The following UHRF1 variants were observed in gnomAD, a reference collection of about 807,000 sequenced individuals.
The protein encoded by UHRF1 is ubiquitin like with PHD and ring finger domains 1.
In UHRF1, 9 loss-of-function variants were observed where a neutral mutation model predicts 96.5. That is an observed-to-expected ratio of 0.09 (90% confidence interval 0.06 to 0.16). UHRF1 has a LOEUF of 0.16. Among genes scored for constraint, UHRF1 ranks in the 10% least tolerant of loss-of-function variants. The pLI is 1.00. For synonymous variants in UHRF1, 455 were observed against 469.9 expected (o/e 0.97, Z 0.41); for missense variants, 626 against 1,131.1 (o/e 0.55, Z 6.40).
At chr19:4,945,111 G>GT (rs747930137) in intron 9 of UHRF1, among the ~76,000 whole-genome samples, 8 of 152,204 alleles carry the variant, frequency 5.3e-5, no homozygotes, top group Non-Finnish European at 1.0e-4. Flanking sequence ...GGGCAGCGCT[G>GT]TATCCCTAGT....
chr19:4,960,808 C>G lies in UHRF1; in HGVS notation c.*5C>G. The G allele has an allele frequency of 2.7e-6, 4 of 1,504,630 alleles. No homozygotes were observed. The highest frequency in any genetic ancestry group is 3.6e-6 in the Non-Finnish European group (4 of 1,099,954). 93.2% of individuals were successfully genotyped at this position (1,504,630 alleles called of 1,614,324 possible). A position where few individuals can be genotyped will look rare whatever the true frequency, so the allele number is the denominator to read the frequency against. On this transcript the variant is annotated 3_prime_UTR_variant, in exon 17 of 17. Coordinates refer to ENST00000650932, the MANE Select transcript of UHRF1 (RefSeq NM_001048201.3). ...GGCTACGGCAATGGCCGGTGATCTC[C>G]AAGCACTTCTCGACAGGCGTTTTGC...
intron 5 of UHRF1, among the ~76,000 whole-genome samples, chr19:4,938,658 C>T (rs967317511): frequency 1.3e-5 from 2 of 148,924 alleles, no homozygotes; most frequent in Non-Finnish European, 3.0e-5. Flanking sequence ...ATCCACTCGT[C>T]TCGGCCTCTC....
In UHRF1 at chr19:4,930,836, G is replaced by C. The variant is rs200130757; in HGVS notation, c.529G>C (p.Ala177Pro). The change falls in exon 4 of 17, where the codon GCG becomes CCG. Residue 177 changes from alanine (A) to proline (P), a missense_variant. By Grantham distance (27) the Ala-to-Pro change is conservative. This residue lies in a region of UHRF1 where 198 missense variants were observed against 235.1 expected (regional missense o/e 0.84). Transcript: ENST00000650932. The surrounding 1 kb of genome is among the most constrained non-coding windows in gnomAD (Gnocchi z 4.4). ...DEPCSSTSRP[A>P]LEEDVIYHVK... ...GCCCTGCAGCTCCACGTCCAGGCCGGCGCTGGAGGAGGACGTCATTTACCA... is the reference window on the plus strand; with the variant it reads ...GCCCTGCAGCTCCACGTCCAGGCCGCCGCTGGAGGAGGACGTCATTTACCA... 1 of 1,614,008 alleles carries C rather than the reference G, an allele frequency of 6.2e-7. No homozygotes were observed. Among genetic ancestry groups the C allele is most frequent in the Admixed American group, 1.7e-5 (1 of 60,028 alleles).
At chr19:4,960,572 CTG>C (rs17881422) in intron 16 of UHRF1, 83 bp from the exon 17 acceptor site, 566,991 of 1,551,024 alleles carry the variant, frequency 0.37, 106,909 homozygotes, top group Middle Eastern at 0.41. Context: ...CCTGGTGAGA[CTG>C]TCCCCACAGT....
Position 4,954,422 on chromosome 19 carries a change from G to C in UHRF1, c.1891G>C (p.Glu631Gln), listed in dbSNP as rs763995143. ...GGAGAACAGCAAGAGGGAGGAGGAG[G>C]AGCAGCAGGAGGGGGGCTTCGCGTC... ...EKENSKREEE[E>Q]QQEGGFASPR... Residue 631 changes from glutamate (E) to glutamine (Q), a missense_variant, in exon 14 of 17, where the codon GAG (glutamate) becomes CAG (glutamine). This residue lies in a region of UHRF1 where 90 missense variants were observed against 94.7 expected (regional missense o/e 0.95). Transcript: ENST00000650932. The surrounding 1 kb of genome is among the most constrained non-coding windows in gnomAD (Gnocchi z 5.9). 1 of 1,613,808 alleles carries C rather than the reference G, an allele frequency of 6.2e-7. No individual in the cohort carries two copies. Among genetic ancestry groups the C allele is most frequent in the East Asian group, 2.2e-5 (1 of 44,864 alleles).
rs776141211 is a variant in UHRF1, at chr19:4,954,856, T to C, written c.2130+34T>C. On this transcript the variant is annotated intron_variant, in intron 15 of 16. Transcript: ENST00000650932. This position sits in a 1 kb window ranked among gnomAD's most constrained non-coding sequence, Gnocchi z 5.9. ...GCACGGCTCACTCGTCGCCCTGATT[T>C]GCGTTGACTGCGGTAAAATGTGTGG... 6 of 1,607,494 alleles carry C rather than the reference T, an allele frequency of 3.7e-6. No individual in the cohort carries two copies. Among genetic ancestry groups the C allele is most frequent in the South Asian group, 2.2e-5 (2 of 90,570 alleles).
chr19:4,951,696 C>CAAAA (rs771845391), intron 13 of UHRF1, among the ~76,000 whole-genome samples: 2 of 83,356 alleles, frequency 2.4e-5, no homozygotes, highest in South Asian at 3.4e-4. Flanking sequence ...TGGCTCATCA[C>CAAAA]AAAAAAAAAA....
chr19:4,960,881 G>C lies in UHRF1; in HGVS notation c.*78G>C. ...TTCATCGGCACTGATTTTGTTCTTA[G>C]TGGGCTTAACTTAAACAGGTAGTGT... On this transcript the variant is annotated 3_prime_UTR_variant, in exon 17 of 17. Coordinates refer to ENST00000650932, the MANE Select transcript of UHRF1 (RefSeq NM_001048201.3). The C allele has an allele frequency of 1.3e-6, 1 of 790,598 alleles. No individual in the cohort carries two copies. Among genetic ancestry groups the C allele is most frequent in the Non-Finnish European group, 2.0e-6 (1 of 492,342 alleles). The allele number at this position is 790,598 out of a possible 1,614,324, so 49.0% of individuals were successfully genotyped here. A position where few individuals can be genotyped will look rare whatever the true frequency, so the allele number is the denominator to read the frequency against.
At chr19:4,913,252 C>CTT (rs4022195) in intron 2 of UHRF1, among the ~76,000 whole-genome samples, 16,117 of 111,126 alleles carry the variant, frequency 0.15, 2,401 homozygotes, top group African/African-American at 0.31. Context: ...GTACATTGTG[C>CTT]TTTTTTTTTT....
At chr19:4,937,626 A>G (rs2146348357) in intron 5 of UHRF1, among the ~76,000 whole-genome samples, 1 of 152,170 alleles carries the variant, frequency 6.6e-6, no homozygotes, top group Non-Finnish European at 1.5e-5. Flanking sequence ...GGCCTCCCAA[A>G]GTGTTAGGAT....
chr19:4,923,426 C>G (rs568583294), intron 2 of UHRF1, among the ~76,000 whole-genome samples: 1 of 152,316 alleles, frequency 6.6e-6, no homozygotes, highest in African/African-American at 2.4e-5. Flanking sequence ...GGGGCTGGGA[C>G]TGTATTTTCC....
intron 2 of UHRF1, among the ~76,000 whole-genome samples, chr19:4,912,437 C>T (rs1183585050): frequency 1.3e-5 from 2 of 152,196 alleles, no homozygotes; most frequent in Non-Finnish European, 2.9e-5. Flanking sequence ...GTTGGACTCT[C>T]ATGCTCCCAA....
Position 4,954,643 on chromosome 19 carries a change from C to T in UHRF1, c.1958-7C>T. The T allele has an allele frequency of 3.1e-6, 5 of 1,612,266 alleles. No homozygotes were observed. The highest frequency in any genetic ancestry group is 4.2e-6 in the Non-Finnish European group (5 of 1,179,150). On this transcript the variant is annotated splice_polypyrimidine_tract_variant and splice_region_variant and intron_variant, in intron 14 of 16. Transcript: ENST00000650932. This position sits in a 1 kb window ranked among gnomAD's most constrained non-coding sequence, Gnocchi z 5.9. ...GCCCCTCCCTCACGCGCCCCACCCT[C>T]TTCCAGGAGGTGGCCCGAGCAGGGC...
chr19:4,911,089 CT>C, intron 2 of UHRF1, 51 bp downstream of exon 2: 1 of 1,447,984 alleles, frequency 6.9e-7, no homozygotes, highest in Non-Finnish European at 9.2e-7. Flanking sequence ...GGCCTCGCGC[CT>C]CTGCAGCCAC....
At position 4,954,303 on chromosome 19, in the gene UHRF1, G is replaced by A. The variant is rs1218569385; in HGVS notation, c.1819-47G>A. 7.5e-6 allele frequency: 12 copies of A among 1,599,040 alleles called. No homozygotes were observed. Among genetic ancestry groups the A allele is most frequent in the East Asian group, 2.3e-5 (1 of 44,358 alleles). On this transcript the variant is annotated intron_variant, in intron 13 of 16. Coordinates refer to ENST00000650932, the MANE Select transcript of UHRF1 (RefSeq NM_001048201.3). The surrounding 1 kb of genome is among the most constrained non-coding windows in gnomAD (Gnocchi z 5.9). ...GCTGGAAGAGCGGGCTCTGCATAGC[G>A]TGTGGGCCCCAAGCCTGACTCACGG...
At chr19:4,943,507 C>CA (rs998121428) in intron 7 of UHRF1, among the ~76,000 whole-genome samples, 6 of 151,170 alleles carry the variant, frequency 4.0e-5, no homozygotes, top group Admixed American at 2.6e-4. Context: ...CCCCCCTCCC[C>CA]ACATCGTAGA....
chr19:4,955,791 G>A (rs997151055), intron 15 of UHRF1, among the ~76,000 whole-genome samples: 1 of 151,988 alleles, frequency 6.6e-6, no homozygotes, highest in African/African-American at 2.4e-5. Flanking sequence ...TGTGTCAGTG[G>A]ACACCATGCC....
intron 3 of UHRF1, 112 bp downstream of exon 3, chr19:4,929,588 C>G (rs1258316960): frequency 2.1e-6 from 3 of 1,452,312 alleles, no homozygotes; most frequent in Non-Finnish European, 2.8e-6. Context: ...CTAGCTCTGG[C>G]TGGGCAGAAA....
chr19:4,923,104 C>T (rs1168164081), intron 2 of UHRF1, among the ~76,000 whole-genome samples: 1 of 152,136 alleles, frequency 6.6e-6, no homozygotes, highest in East Asian at 1.9e-4. Flanking sequence ...TCCTGGCCGC[C>T]CAGACCACAG....
Sources: gnomAD v4.1 joint callset for allele counts (sites outside exome capture counted in the v4.1 genomes callset) on GRCh38, gnomAD v4.1.1 for gene constraint, gnomAD v4.1.1 regional missense constraint, Gnocchi (gnomAD v3.1) non-coding constraint, MANE v1.5 for transcripts, NCBI Gene and HGNC (gene_info 2026-07-23, HGNC 2026-07-21) for gene names.